CREB5: variants seen among roughly 807,000 people sequenced by gnomAD.
CREB5 encodes cAMP responsive element binding protein 5.
CREB5 carries 19 observed loss-of-function variants against 57.1 expected under a neutral mutation model. That is an observed-to-expected ratio of 0.33 (90% CI 0.23 to 0.49). The LOEUF (loss-of-function observed/expected upper bound fraction) is 0.49. Ranked by LOEUF, CREB5 falls within the 20% of genes least tolerant of loss-of-function variation. CREB5 has a pLI of 0.99. For missense variants in CREB5, 579 were observed against 671.6 expected (o/e 0.86, Z 1.52); for synonymous variants, 238 against 238.3 (o/e 1.00, Z 0.01).
intron 9 of CREB5, 149 bp downstream of exon 9, chr7:28,809,563 T>C (rs1808979370): frequency 4.2e-6 from 3 of 718,892 alleles, no homozygotes; most frequent in East Asian, 2.8e-5. Context: ...GTTTTATTAA[T>C]TCCAGGACAC....
At chr7:28,403,427 A>G (rs1787515715) in intron 1 of CREB5, among the ~76,000 whole-genome samples, 1 of 152,218 alleles carries the variant, frequency 6.6e-6, no homozygotes, top group Non-Finnish European at 1.5e-5. Flanking sequence ...AATAATATCT[A>G]AGACTATTTT....
chr7:28,664,274 C>T (rs2128715228), intron 5 of CREB5, among the ~76,000 whole-genome samples: 1 of 152,324 alleles, frequency 6.6e-6, no homozygotes, highest in Non-Finnish European at 1.5e-5. Flanking sequence ...CTATGTGTCA[C>T]ATCAAATCCT....
intron 1 of CREB5, among the ~76,000 whole-genome samples, chr7:28,382,001 C>A (rs750035926): frequency 1.3e-5 from 2 of 152,222 alleles, no homozygotes; most frequent in Admixed American, 6.5e-5. Context: ...TGCTGTATGG[C>A]TCAGTCCAAG....
chr7:28,816,871 G>A (rs143560242), intron 9 of CREB5, among the ~76,000 whole-genome samples: 81 of 152,264 alleles, frequency 5.3e-4, no homozygotes, highest in African/African-American at 1.9e-3. Flanking sequence ...AATAAACCTT[G>A]ACCAAAGAGA....
intron 1 of CREB5, among the ~76,000 whole-genome samples, chr7:28,477,573 C>A (rs553484050): frequency 6.6e-6 from 1 of 152,294 alleles, no homozygotes; most frequent in African/African-American, 2.4e-5. Flanking sequence ...AGCCCTGGGG[C>A]AGAAAAAGAG....
intron 1 of CREB5, among the ~76,000 whole-genome samples, chr7:28,324,560 C>T (rs1785549175): frequency 6.6e-6 from 1 of 152,172 alleles, no homozygotes; most frequent in African/African-American, 2.4e-5. Context: ...GGCTCCTCCT[C>T]CCTGCTAGAG....
chr7:28,462,284 T>C (rs1490442882), intron 1 of CREB5, among the ~76,000 whole-genome samples: 3 of 152,246 alleles, frequency 2.0e-5, no homozygotes, highest in Non-Finnish European at 2.9e-5. Context: ...ATTTAATGTA[T>C]GGTTATATCA....
chr7:28,625,360 C>T (rs1327882777), intron 5 of CREB5, among the ~76,000 whole-genome samples: 2 of 152,176 alleles, frequency 1.3e-5, no homozygotes, highest in Non-Finnish European at 2.9e-5. Flanking sequence ...ACTTTGGTAC[C>T]TCCAACTACG....
At chr7:28,565,844 C>G (rs1322555840) in intron 4 of CREB5, among the ~76,000 whole-genome samples, 1 of 152,128 alleles carries the variant, frequency 6.6e-6, no homozygotes, top group African/African-American at 2.4e-5. Flanking sequence ...TCGCTTGAAC[C>G]CAGGAGACAG....
chr7:28,760,324 G>A, intron 7 of CREB5, among the ~76,000 whole-genome samples: 1 of 152,142 alleles, frequency 6.6e-6, no homozygotes, highest in East Asian at 1.9e-4. Flanking sequence ...AGCAAAACCA[G>A]ACCAACCAAA....
intron 7 of CREB5, among the ~76,000 whole-genome samples, chr7:28,758,761 A>C (rs1805480811): frequency 6.6e-6 from 1 of 152,264 alleles, no homozygotes; most frequent in South Asian, 2.1e-4. Context: ...AAAAGAACCC[A>C]AAGTCGAGCA....
intron 1 of CREB5, among the ~76,000 whole-genome samples, chr7:28,400,946 T>A (rs1464195220): frequency 1.3e-5 from 2 of 152,214 alleles, no homozygotes; most frequent in Admixed American, 6.5e-5. Context: ...GAAACTTCCC[T>A]GTATATAAAA....
chr7:28,591,361 C>G (rs1468374670), intron 5 of CREB5, among the ~76,000 whole-genome samples: 3 of 152,200 alleles, frequency 2.0e-5, no homozygotes, highest in Non-Finnish European at 4.4e-5. Flanking sequence ...AAATCAGCCA[C>G]AGGTTCAATT....
intron 5 of CREB5, among the ~76,000 whole-genome samples, chr7:28,622,743 G>A (rs751008094): frequency 7.2e-5 from 11 of 152,198 alleles, no homozygotes; most frequent in Non-Finnish European, 1.5e-4. Context: ...CCCACCAGCT[G>A]GGTGTGGTGG....
At chr7:28,810,553 A>G (rs2282914) in intron 9 of CREB5, among the ~76,000 whole-genome samples, 128,200 of 152,014 alleles carry the variant, frequency 0.84, 54,808 homozygotes, top group African/African-American at 0.93. Context: ...AAAAATTGCC[A>G]GGTGTGGTGG....
intron 5 of CREB5, among the ~76,000 whole-genome samples, chr7:28,697,026 C>A (rs927051158): frequency 6.6e-6 from 1 of 151,572 alleles, no homozygotes; most frequent in African/African-American, 2.4e-5. Context: ...TATTTATATA[C>A]ACACATATGT....
chr7:28,562,525 G>A (rs986808076), intron 4 of CREB5, among the ~76,000 whole-genome samples: 4 of 152,212 alleles, frequency 2.6e-5, no homozygotes, highest in Non-Finnish European at 4.4e-5. Flanking sequence ...ACAGCCTCAA[G>A]TCTAGAACCT....
chr7:28,310,970 T>C (rs1255344227), intron 1 of CREB5, among the ~76,000 whole-genome samples: 1 of 151,996 alleles, frequency 6.6e-6, no homozygotes, highest in Non-Finnish European at 1.5e-5. Context: ...GGACATTTGG[T>C]CATTATGTCT....
chr7:28,461,660 C>G (rs1203444355), intron 1 of CREB5, among the ~76,000 whole-genome samples: 1 of 152,140 alleles, frequency 6.6e-6, no homozygotes, highest in Non-Finnish European at 1.5e-5. Flanking sequence ...AATTTCATGT[C>G]ATTGTAACAC....
Sources: allele counts gnomAD v4.1 joint callset (sites outside exome capture counted in the v4.1 genomes callset), GRCh38; gene constraint gnomAD v4.1.1; transcripts MANE v1.5; gene names NCBI Gene and HGNC (gene_info 2026-07-23, HGNC 2026-07-21).